ETS1: variants seen among roughly 807,000 people sequenced by gnomAD.
The protein encoded by ETS1 is ETS proto-oncogene 1, transcription factor.
In ETS1, 15 loss-of-function variants were observed where a neutral mutation model predicts 58.6. The ratio of observed to expected loss-of-function variants is 0.26; its 90% CI spans 0.17 to 0.39. ETS1 has a LOEUF of 0.39. Among genes scored for constraint, ETS1 ranks in the 10% least tolerant of loss-of-function variants. ETS1 has a pLI of 1.00. For synonymous variants in ETS1, 214 were observed against 218.2 expected (o/e 0.98, Z 0.17); for missense variants, 417 against 610.5 (o/e 0.68, Z 3.34).
chr11:128,520,880 G>T (rs985431939), intron 3 of ETS1, among the ~76,000 whole-genome samples: 1 of 152,160 alleles, frequency 6.6e-6, no homozygotes, highest in Non-Finnish European at 1.5e-5. Context: ...ACCACAGGGG[G>T]CAGCAACTAA....
chr11:128,525,925 G>A (rs1333232496), intron 3 of ETS1, among the ~76,000 whole-genome samples: 1 of 152,112 alleles, frequency 6.6e-6, no homozygotes, highest in African/African-American at 2.4e-5. Context: ...AAAGCCTTAG[G>A]GTCAGTTAAG....
intron 3 of ETS1, among the ~76,000 whole-genome samples, chr11:128,531,905 C>A (rs1863903154): frequency 6.6e-6 from 1 of 152,148 alleles, no homozygotes; most frequent in African/African-American, 2.4e-5. Flanking sequence ...AAACTAGCAC[C>A]CATTAGGCAG....
chr11:128,573,355 C>T (rs1018857797), intron 1 of ETS1, among the ~76,000 whole-genome samples: 1 of 152,162 alleles, frequency 6.6e-6, no homozygotes, highest in African/African-American at 2.4e-5. Context: ...GAACCAGTTC[C>T]CTGGTTGCAA....
At chr11:128,583,414 T>G (rs1864914875) in intron 1 of ETS1, among the ~76,000 whole-genome samples, 1 of 152,234 alleles carries the variant, frequency 6.6e-6, no homozygotes, top group Non-Finnish European at 1.5e-5. Context: ...TTCTAGTTAT[T>G]TGGTCCCTTT....
chr11:128,570,639 T>A (rs1864608373), intron 2 of ETS1, among the ~76,000 whole-genome samples: 1 of 152,238 alleles, frequency 6.6e-6, no homozygotes, highest in Non-Finnish European at 1.5e-5. Flanking sequence ...ATCTTATTTT[T>A]CAAGTCAATG....
Position 128,464,204 on chromosome 11 carries a change from C to A in ETS1, c.1124-577G>T, listed in dbSNP as rs1861973500. On this transcript the variant is annotated intron_variant, in intron 8 of 9. Transcript: ENST00000392668. This position sits in a 1 kb window ranked among gnomAD's most constrained non-coding sequence, Gnocchi z 4.1. ...ATTTCTCTCCACTGCCACCACCCTG[C>A]CCTTCCAGTCCACTTACAGGAAAGC... Among the ~76,000 whole-genome samples the A allele has an allele frequency of 6.6e-6, 1 of 151,658 alleles. No homozygotes were observed. The highest frequency in any genetic ancestry group is 2.1e-4 in the South Asian group (1 of 4,780).
At position 128,484,837 on chromosome 11, in the gene ETS1, C is replaced by T; in HGVS notation, c.848G>A (p.Gly283Glu). The change falls in exon 7 of 10, where the codon GGG becomes GAG. Residue 283 changes from glycine to glutamate, a missense_variant. This residue lies in a region of ETS1 where 139 missense variants were observed against 152.1 expected (regional missense o/e 0.91). Coordinates refer to ENST00000392668, the MANE Select transcript of ETS1 (RefSeq NM_001143820.2). Reference protein sequence around the residue: ...EVVTPDNMCMGRTSRGKLGGQ... With the variant: ...EVVTPDNMCMERTSRGKLGGQ... Reference sequence around the variant, plus strand: ...ATATGACCTACCACGACTGGTCCTCCCCATGCACATGTTGTCTGGGGTGAC... The same window carrying T: ...ATATGACCTACCACGACTGGTCCTCTCCATGCACATGTTGTCTGGGGTGAC... 2 of 1,613,912 alleles carry T rather than the reference C, an allele frequency of 1.2e-6. No homozygotes were observed. Among genetic ancestry groups the T allele is most frequent in the Non-Finnish European group, 1.7e-6 (2 of 1,179,874 alleles).
intron 8 of ETS1, among the ~76,000 whole-genome samples, chr11:128,469,119 A>G (rs1243628850): frequency 1.3e-5 from 2 of 152,248 alleles, no homozygotes; most frequent in South Asian, 2.1e-4. Flanking sequence ...CATTTCATCA[A>G]CGTGTTCCCA....
intron 3 of ETS1, among the ~76,000 whole-genome samples, chr11:128,545,968 T>C (rs763286958): frequency 3.9e-5 from 6 of 152,228 alleles, no homozygotes; most frequent in Non-Finnish European, 7.3e-5. Context: ...TTCTAATCTG[T>C]ATTCAACTCT....
At chr11:128,544,701 A>AG (rs890704147) in intron 3 of ETS1, among the ~76,000 whole-genome samples, 1 of 152,088 alleles carries the variant, frequency 6.6e-6, no homozygotes, top group Non-Finnish European at 1.5e-5. Flanking sequence ...GAAAAAAAAA[A>AG]TGCACTCTAC....
At chr11:128,467,276 C>CA (rs1341843439) in intron 8 of ETS1, among the ~76,000 whole-genome samples, 1 of 152,160 alleles carries the variant, frequency 6.6e-6, no homozygotes, top group Non-Finnish European at 1.5e-5. Flanking sequence ...CTTGGAAACC[C>CA]AAAGCTTAGA....
At chr11:128,489,627 C>T in intron 4 of ETS1, 137 bp from the exon 5 acceptor site, 2 of 680,128 alleles carry the variant, frequency 2.9e-6, no homozygotes, top group East Asian at 5.4e-5. Flanking sequence ...ATCAGCCTAG[C>T]CTGCACATCA....
intron 5 of ETS1, among the ~76,000 whole-genome samples, chr11:128,486,499 C>T (rs1367826637): frequency 6.6e-6 from 1 of 152,184 alleles, no homozygotes; most frequent in African/African-American, 2.4e-5. Flanking sequence ...TGAGTACATC[C>T]CAGGTTAGCA....
intron 1 of ETS1, among the ~76,000 whole-genome samples, chr11:128,575,349 C>G (rs1202201534): frequency 1.3e-5 from 2 of 152,182 alleles, no homozygotes; most frequent in Admixed American, 6.5e-5. Flanking sequence ...CTGTACTGTA[C>G]TCACCTATTT....
intron 1 of ETS1, among the ~76,000 whole-genome samples, chr11:128,585,123 A>C (rs868701150): frequency 5.1e-5 from 1 of 19,700 alleles, no homozygotes; most frequent in Non-Finnish European, 8.9e-5. Context: ...AAGGAAAGAA[A>C]GAAGAAAGAA....
chr11:128,546,216 T>C (rs1237944024), intron 3 of ETS1, among the ~76,000 whole-genome samples: 1 of 152,242 alleles, frequency 6.6e-6, no homozygotes, highest in Admixed American at 6.5e-5. Context: ...TGGCCTCCTC[T>C]TGTCTAAGTG....
chr11:128,502,879 GC>G (rs1408124418), intron 3 of ETS1, among the ~76,000 whole-genome samples: 1 of 152,172 alleles, frequency 6.6e-6, no homozygotes, highest in African/African-American at 2.4e-5. Flanking sequence ...GCCCCTGCAG[GC>G]ATCTCCTCCT....
chr11:128,462,254 G>T lies in ETS1; in HGVS notation c.*107C>A. ...GCTCCCACCCCTGAAGGTAAAAAAT[G>T]AGTTCTGGAAAATAAAAAATAGAAT... is the stretch of plus-strand genomic sequence containing the variant. On this transcript the variant is annotated 3_prime_UTR_variant, in exon 10 of 10. Coordinates refer to ENST00000392668, the MANE Select transcript of ETS1 (RefSeq NM_001143820.2). The T allele has an allele frequency of 1.1e-6, 1 of 881,940 alleles. No individual in the cohort carries two copies. The highest frequency in any genetic ancestry group is 1.7e-5 in the South Asian group (1 of 60,078). 54.6% of individuals were successfully genotyped at this position (881,940 alleles called of 1,614,324 possible).
chr11:128,478,355 A>AG (rs1313534956), intron 8 of ETS1, among the ~76,000 whole-genome samples: 2 of 19,876 alleles, frequency 1.0e-4, no homozygotes, highest in African/African-American at 4.6e-4. Flanking sequence ...GGAAGGAGGA[A>AG]GGAAGGAGGA....
Sources: allele counts gnomAD v4.1 joint callset (sites outside exome capture counted in the v4.1 genomes callset), GRCh38; gene constraint gnomAD v4.1.1; regional missense constraint gnomAD v4.1.1; non-coding constraint Gnocchi (gnomAD v3.1); transcripts MANE v1.5; gene names NCBI Gene and HGNC (gene_info 2026-07-23, HGNC 2026-07-21).